The following IMMT variants were observed in gnomAD, a reference collection of about 807,000 sequenced individuals.
IMMT encodes inner membrane mitochondrial protein, also known as MICOS complex subunit MIC60.
Under a neutral mutation model 92.7 loss-of-function variants are expected in IMMT, and 40 were observed. The observed-to-expected ratio is 0.43, with a 90% CI of 0.34 to 0.56. The LOEUF (loss-of-function observed/expected upper bound fraction) is 0.56, where lower values mean the gene tolerates loss of function less well. IMMT is among the 20% of genes least tolerant of loss of function. The probability of loss-of-function intolerance (pLI) is 0.03; values close to 1 mark genes in which losing one functional copy is unlikely to be tolerated. For missense variants in IMMT, 831 were observed against 912.1 expected (o/e 0.91, Z 1.14); for synonymous variants, 322 against 336.1 (o/e 0.96, Z 0.46).
chr2:86,149,963 G>C (rs546655384), intron 12 of IMMT, among the ~76,000 whole-genome samples: 1 of 152,116 alleles, frequency 6.6e-6, no homozygotes, highest in South Asian at 2.1e-4. Context: ...GGTAGTAATG[G>C]AGTGGACAGA....
At chr2:86,178,877 C>G (rs1677634012) in intron 3 of IMMT, among the ~76,000 whole-genome samples, 2 of 151,974 alleles carry the variant, frequency 1.3e-5, no homozygotes, top group African/African-American at 4.8e-5. Flanking sequence ...GTCTGGCCAA[C>G]ATGGTGAACC....
At chr2:86,190,550 G>C (rs1371202412) in intron 1 of IMMT, among the ~76,000 whole-genome samples, 1 of 152,206 alleles carries the variant, frequency 6.6e-6, no homozygotes, top group Non-Finnish European at 1.5e-5. Context: ...TGGTGATGCA[G>C]TATTGGGACT....
chr2:86,171,868 T>TTTTC (rs10686550), intron 4 of IMMT, among the ~76,000 whole-genome samples: 2 of 151,448 alleles, frequency 1.3e-5, no homozygotes, highest in African/African-American at 2.4e-5. Context: ...ATATATTTTT[T>TTTTC]GCACACTTTG....
intron 7 of IMMT, among the ~76,000 whole-genome samples, chr2:86,163,959 C>CAAAAAAAA (rs70953998): frequency 1.1e-5 from 1 of 91,956 alleles, no homozygotes; most frequent in Non-Finnish European, 2.3e-5. Context: ...ACTCCATCTC[C>CAAAAAAAA]AAAAAAAAAG....
chr2:86,190,841 T>C (rs1278756668), intron 1 of IMMT, among the ~76,000 whole-genome samples: 1 of 151,928 alleles, frequency 6.6e-6, no homozygotes, highest in Non-Finnish European at 1.5e-5. Flanking sequence ...TACAAAATAT[T>C]AGCTGGGCAC....
At chr2:86,175,002 T>C (rs572321672) in intron 3 of IMMT, among the ~76,000 whole-genome samples, 16 of 152,324 alleles carry the variant, frequency 1.1e-4, no homozygotes, top group African/African-American at 3.8e-4. Flanking sequence ...AAAGGGGTTG[T>C]ATATTTTTAA....
chr2:86,162,572 G>A (rs779529776), intron 7 of IMMT, among the ~76,000 whole-genome samples: 40 of 151,960 alleles, frequency 2.6e-4, no homozygotes, highest in Non-Finnish European at 4.7e-4. Flanking sequence ...TTGGCCGGGC[G>A]CAGTGGCTCA....
In IMMT at chr2:86,146,165, T is replaced by C; in HGVS notation, c.1566A>G (p.Leu522=). The C allele has an allele frequency of 6.2e-7, 1 of 1,610,192 alleles. No homozygotes were observed. The highest frequency in any genetic ancestry group is 8.5e-7 in the Non-Finnish European group (1 of 1,177,356). ...GCTCTTGACTGAGACGACGAAATTG[T>C]AATTCTTGTTCAGAGAGTTTCTCAG... ...NLSEKLSEQE[L]QFRRLSQEQV... The change falls in exon 14 of 15, where the codon TTA becomes TTG. Residue 522 remains leucine, a synonymous_variant. Transcript: ENST00000410111.
At chr2:86,155,629 A>G (rs995352546) in intron 10 of IMMT, among the ~76,000 whole-genome samples, 7 of 152,266 alleles carry the variant, frequency 4.6e-5, no homozygotes, top group African/African-American at 1.7e-4. Flanking sequence ...ACACAGAAAG[A>G]GTACTGGATG....
chr2:86,154,639 A>G (rs1355579146), intron 10 of IMMT, among the ~76,000 whole-genome samples: 2 of 152,232 alleles, frequency 1.3e-5, no homozygotes, highest in Non-Finnish European at 2.9e-5. Context: ...AATTTTTAAA[A>G]CAATGAATTC....
chr2:86,164,175 A>G (rs1247682496), intron 7 of IMMT, among the ~76,000 whole-genome samples: 1 of 143,894 alleles, frequency 6.9e-6, no homozygotes, highest in Non-Finnish European at 1.5e-5. Context: ...CTCCTGCGTC[A>G]GTCTCCCGAG....
At chr2:86,148,062 G>C (rs1364852732) in intron 12 of IMMT, among the ~76,000 whole-genome samples, 3 of 152,138 alleles carry the variant, frequency 2.0e-5, no homozygotes, top group Non-Finnish European at 2.9e-5. Flanking sequence ...TTCAAACAAA[G>C]GTCTCTCTCA....
At chr2:86,156,437 C>G (rs987916594) in intron 10 of IMMT, among the ~76,000 whole-genome samples, 3 of 151,390 alleles carry the variant, frequency 2.0e-5, no homozygotes, top group African/African-American at 7.3e-5. Flanking sequence ...ACTAAAAATA[C>G]AAAAAAATTA....
At chr2:86,195,253 C>G in intron 1 of IMMT, 85 bp downstream of exon 1, 1 of 1,388,154 alleles carries the variant, frequency 7.2e-7, no homozygotes, top group Non-Finnish European at 9.6e-7. Context: ...GTCCTGGAGG[C>G]TAGGCAGCGA....
At chr2:86,188,978 C>T (rs1348897612) in intron 1 of IMMT, among the ~76,000 whole-genome samples, 1 of 152,082 alleles carries the variant, frequency 6.6e-6, no homozygotes, top group Non-Finnish European at 1.5e-5. Context: ...GAAACCATTG[C>T]CAAACATAAG....
chr2:86,171,959 AT>A (rs869190735), intron 4 of IMMT, among the ~76,000 whole-genome samples: 9,286 of 40,200 alleles, frequency 0.23, 185 homozygotes, highest in African/African-American at 0.32. Context: ...TGTGTAGTAT[AT>A]TTTTTTTTTT....
intron 10 of IMMT, among the ~76,000 whole-genome samples, chr2:86,156,320 G>A (rs1008424971): frequency 1.3e-5 from 2 of 152,058 alleles, no homozygotes; most frequent in African/African-American, 4.8e-5. Flanking sequence ...AGCCGGGCGT[G>A]GTGTCTCACG....
intron 11 of IMMT, among the ~76,000 whole-genome samples, chr2:86,152,633 T>C (rs1485274030): frequency 6.7e-6 from 1 of 150,286 alleles, no homozygotes; most frequent in Non-Finnish European, 1.5e-5. Context: ...TGGGGGCACA[T>C]GCCTGTAATC....
intron 7 of IMMT, among the ~76,000 whole-genome samples, chr2:86,164,689 CAAAA>C (rs56964046): frequency 9.0e-6 from 1 of 111,442 alleles, no homozygotes; most frequent in African/African-American, 3.6e-5. Flanking sequence ...GACTCTGTCT[CAAAA>C]AAAAAAAAAA....
Sources: allele counts gnomAD v4.1 joint callset (sites outside exome capture counted in the v4.1 genomes callset), GRCh38; gene constraint gnomAD v4.1.1; transcripts MANE v1.5; gene names NCBI Gene and HGNC (gene_info 2026-07-23, HGNC 2026-07-21).